Variants in PGCKA1 observed in about 807,000 individuals in gnomAD.
The protein encoded by PGCKA1 is PDCD10 and GCKIII kinases-associated protein 1.
the PGCKA1 span, among the ~76,000 whole-genome samples, chr4:37,501,944 A>G: frequency 6.6e-6 from 1 of 152,156 alleles, no homozygotes; most frequent in Non-Finnish European, 1.5e-5. Context: ...TGACTGTGGT[A>G]TAAGGTAGGT....
At chr4:37,528,318 C>A in the PGCKA1 span, among the ~76,000 whole-genome samples, 12 of 152,208 alleles carry the variant, frequency 7.9e-5, no homozygotes, top group African/African-American at 2.9e-4. Context: ...GTAATCACGA[C>A]ATCTAGTGCT....
At chr4:37,463,638 C>T in the PGCKA1 span, among the ~76,000 whole-genome samples, 5 of 152,118 alleles carry the variant, frequency 3.3e-5, no homozygotes, top group Admixed American at 2.6e-4. Flanking sequence ...GGTGCTGCAG[C>T]ACAGGGCTAA....
chr4:37,560,288 C>G, the PGCKA1 span, among the ~76,000 whole-genome samples: 1 of 152,190 alleles, frequency 6.6e-6, no homozygotes, highest in African/African-American at 2.4e-5. Context: ...CTTCCTTAGC[C>G]AACCTCTTGG....
chr4:37,579,141 A>T, the PGCKA1 span, among the ~76,000 whole-genome samples: 1 of 152,164 alleles, frequency 6.6e-6, no homozygotes, highest in Non-Finnish European at 1.5e-5. Flanking sequence ...AAGAAAAAAA[A>T]CCAAAAACAA....
the PGCKA1 span, among the ~76,000 whole-genome samples, chr4:37,513,099 AAAGAAAG>A: frequency 1.4e-3 from 57 of 39,326 alleles, 1 homozygote; most frequent in African/African-American, 5.3e-3. Context: ...CAAAAAAAAA[AAAGAAAG>A]AAAGAAAGAA....
At chr4:37,548,139 C>T in the PGCKA1 span, among the ~76,000 whole-genome samples, 22 of 151,156 alleles carry the variant, frequency 1.5e-4, no homozygotes, top group Non-Finnish European at 2.9e-4. Flanking sequence ...AGTTGAGACA[C>T]GTTGAAAAAT....
the PGCKA1 span, among the ~76,000 whole-genome samples, chr4:37,547,086 A>G: frequency 6.6e-6 from 1 of 152,164 alleles, no homozygotes; most frequent in Non-Finnish European, 1.5e-5. Flanking sequence ...TTTGAGTGGT[A>G]GTGTGGCCTG....
the PGCKA1 span, among the ~76,000 whole-genome samples, chr4:37,497,989 T>A: frequency 5.9e-5 from 9 of 152,108 alleles, no homozygotes; most frequent in Non-Finnish European, 5.9e-5. Context: ...TGTCTAGACA[T>A]TGTCTAGACA....
the PGCKA1 span, among the ~76,000 whole-genome samples, chr4:37,553,642 A>G: frequency 6.6e-6 from 1 of 152,252 alleles, no homozygotes; most frequent in Non-Finnish European, 1.5e-5. Context: ...ATTGCTAGAT[A>G]CATTCCAATT....
chr4:37,558,212 A>T, the PGCKA1 span: 7 of 152,292 alleles, frequency 4.6e-5, no homozygotes, highest in Admixed American at 4.6e-4. Flanking sequence ...AGAAGTCCCC[A>T]AAGTCTCCTT....
At chr4:37,491,285 C>G in the PGCKA1 span, among the ~76,000 whole-genome samples, 1 of 152,148 alleles carries the variant, frequency 6.6e-6, no homozygotes, top group African/African-American at 2.4e-5. Flanking sequence ...TTCTCTCTGT[C>G]CACACCACAG....
the PGCKA1 span, among the ~76,000 whole-genome samples, chr4:37,586,542 A>G: frequency 1.3e-5 from 2 of 152,220 alleles, no homozygotes; most frequent in Admixed American, 1.3e-4. Context: ...TTGGTCCTCA[A>G]GCATGAAGTG....
chr4:37,513,099 AAAG>A, the PGCKA1 span, among the ~76,000 whole-genome samples: 2 of 39,260 alleles, frequency 5.1e-5, no homozygotes, highest in East Asian at 5.9e-4. Flanking sequence ...CAAAAAAAAA[AAAG>A]AAAGAAAGAA....
the PGCKA1 span, among the ~76,000 whole-genome samples, chr4:37,558,682 C>T: frequency 6.3e-5 from 9 of 142,616 alleles, no homozygotes; most frequent in South Asian, 6.8e-4. Context: ...AGAAAATTTT[C>T]GCAACCTACT....
chr4:37,584,796 C>T, the PGCKA1 span, among the ~76,000 whole-genome samples: 2 of 152,048 alleles, frequency 1.3e-5, no homozygotes, highest in South Asian at 2.1e-4. Flanking sequence ...TTTTCCTCGC[C>T]TTCTTGCCCT....
the PGCKA1 span, among the ~76,000 whole-genome samples, chr4:37,551,469 C>G: frequency 6.6e-6 from 1 of 152,160 alleles, no homozygotes; most frequent in African/African-American, 2.4e-5. Context: ...ACTAATAAAA[C>G]CAGTCAAACC....
the PGCKA1 span, among the ~76,000 whole-genome samples, chr4:37,517,275 A>G: frequency 2.8e-5 from 4 of 143,758 alleles, no homozygotes; most frequent in African/African-American, 1.1e-4. Context: ...ATATAAATAT[A>G]TATATAAATA....
the PGCKA1 span, among the ~76,000 whole-genome samples, chr4:37,548,367 T>C: frequency 3.1e-3 from 469 of 152,262 alleles, 4 homozygotes; most frequent in African/African-American, 0.01. Context: ...GTTATTGTTT[T>C]AAAAGTTTAA....
chr4:37,459,096 T>C, the PGCKA1 span, among the ~76,000 whole-genome samples: 1 of 151,956 alleles, frequency 6.6e-6, no homozygotes, highest in Non-Finnish European at 1.5e-5. Flanking sequence ...AATGCTGCAG[T>C]GAAGGGTGGT....
Sources: allele counts gnomAD v4.1 joint callset (sites outside exome capture counted in the v4.1 genomes callset), GRCh38; gene constraint gnomAD v4.1.1; transcripts MANE v1.5; gene names NCBI Gene and HGNC (gene_info 2026-07-23, HGNC 2026-07-21).